Variants in SLC24A2 observed in about 807,000 individuals in gnomAD.
SLC24A2 encodes the protein solute carrier family 24 member 2.
A neutral mutation model predicts 62.0 loss-of-function variants in SLC24A2; 36 were observed. The ratio of observed to expected loss-of-function variants is 0.58; its 90% CI spans 0.44 to 0.77. SLC24A2 has a LOEUF of 0.77. Ranked by LOEUF, SLC24A2 falls within the 30% of genes least tolerant of loss-of-function variation. The pLI, the probability that SLC24A2 is intolerant of heterozygous loss-of-function variation, is 0.00. For synonymous variants in SLC24A2, 358 were observed against 294.0 expected, an observed-to-expected ratio of 1.22 and a Z score of -2.23; for missense variants, 846 against 817.9, an observed-to-expected ratio of 1.03 and a Z score of -0.42.
the SLC24A2 span, among the ~76,000 whole-genome samples, chr9:20,175,732 G>T: frequency 6.6e-6 from 1 of 151,968 alleles, no homozygotes; most frequent in Non-Finnish European, 1.5e-5. Flanking sequence ...AATAATGATA[G>T]AATTTACAGT....
At chr9:19,890,352 AG>A in the SLC24A2 span, among the ~76,000 whole-genome samples, 2 of 152,240 alleles carry the variant, frequency 1.3e-5, no homozygotes, top group African/African-American at 4.8e-5. Context: ...CTAGGAAGGC[AG>A]GACCACTGGA....
At chr9:19,588,623 G>A (rs1836446639) in intron 5 of SLC24A2, among the ~76,000 whole-genome samples, 1 of 152,160 alleles carries the variant, frequency 6.6e-6, no homozygotes, top group Admixed American at 6.5e-5. Flanking sequence ...TATGTGCTTT[G>A]TAATGAAGCC....
the SLC24A2 span, among the ~76,000 whole-genome samples, chr9:20,250,411 GCT>G: frequency 6.6e-6 from 1 of 152,172 alleles, no homozygotes; most frequent in Admixed American, 6.5e-5. Flanking sequence ...CCAATCAACA[GCT>G]CTTTCCTAAT....
At chr9:19,633,943 T>C (rs1179334610) in intron 2 of SLC24A2, among the ~76,000 whole-genome samples, 2 of 152,206 alleles carry the variant, frequency 1.3e-5, no homozygotes, top group African/African-American at 4.8e-5. Flanking sequence ...GTTTTTAATT[T>C]TGATGAGGTT....
At chr9:20,060,299 A>T in the SLC24A2 span, among the ~76,000 whole-genome samples, 2 of 152,120 alleles carry the variant, frequency 1.3e-5, no homozygotes, top group Admixed American at 6.6e-5. Context: ...TTTCTAACCC[A>T]TTCCAAAAAG....
chr9:19,669,751 C>A (rs779291307), intron 2 of SLC24A2, among the ~76,000 whole-genome samples: 1 of 152,206 alleles, frequency 6.6e-6, no homozygotes, highest in African/African-American at 2.4e-5. Context: ...CCTTAAGGAC[C>A]CTTGTGATGA....
the SLC24A2 span, among the ~76,000 whole-genome samples, chr9:20,026,514 C>A: frequency 6.6e-6 from 1 of 152,104 alleles, no homozygotes; most frequent in Non-Finnish European, 1.5e-5. Context: ...TACTCCATTG[C>A]GTGCCCCAGT....
At chr9:19,787,882 C>A (rs1823222411) in intron 1 of SLC24A2, among the ~76,000 whole-genome samples, 1 of 152,176 alleles carries the variant, frequency 6.6e-6, no homozygotes, top group Non-Finnish European at 1.5e-5. Context: ...CCTCTGTCCA[C>A]AAAATCTGCC....
rs552572023 is a variant in SLC24A2 at position 19,548,690 on chromosome 9, G to A, written c.1479+1447C>T. Among the ~76,000 whole-genome samples, 3 of 152,280 alleles carry A rather than the reference G, an allele frequency of 2.0e-5. No homozygotes were observed. In the South Asian group the frequency reaches 6.2e-4, roughly 32 times the overall value. ...GGTTATGACGACTGCCCTGGCTGAT[G>A]CACCTAACAAGAAAATGGAGCTGTC... is the stretch of plus-strand genomic sequence containing the variant. On this transcript the variant is annotated intron_variant, in intron 8 of 10. Transcript: ENST00000341998.
At chr9:19,731,497 TTC>T (rs71335449) in intron 2 of SLC24A2, among the ~76,000 whole-genome samples, 6 of 148,254 alleles carry the variant, frequency 4.0e-5, no homozygotes, top group Admixed American at 1.3e-4. Flanking sequence ...GAACACTTGT[TTC>T]TCTCTCTCTC....
chr9:20,148,124 C>T, the SLC24A2 span, among the ~76,000 whole-genome samples: 5 of 151,810 alleles, frequency 3.3e-5, no homozygotes, highest in African/African-American at 9.7e-5. Flanking sequence ...CCTGACTGTC[C>T]GGATAAGTAT....
chr9:19,971,561 G>C, the SLC24A2 span, among the ~76,000 whole-genome samples: 1 of 152,292 alleles, frequency 6.6e-6, no homozygotes, highest in South Asian at 2.1e-4. Flanking sequence ...GGGAAAAGCA[G>C]TGTCTCCCCA....
the SLC24A2 span, among the ~76,000 whole-genome samples, chr9:20,104,214 T>C: frequency 1.3e-5 from 2 of 152,312 alleles, no homozygotes; most frequent in South Asian, 4.1e-4. Context: ...AGACCAAATC[T>C]ACATCTGATT....
the SLC24A2 span, chr9:19,967,781 T>C: frequency 2.0e-5 from 3 of 152,298 alleles, no homozygotes; most frequent in Non-Finnish European, 2.9e-5. Flanking sequence ...GGGGCAGCAT[T>C]AGTTAATGTC....
the SLC24A2 span, among the ~76,000 whole-genome samples, chr9:20,014,236 T>C: frequency 6.6e-6 from 1 of 151,736 alleles, no homozygotes; most frequent in Admixed American, 6.6e-5. Context: ...AGATAACAAG[T>C]GTTGGAGTAG....
chr9:19,684,916 G>C (rs562354032), intron 2 of SLC24A2, among the ~76,000 whole-genome samples: 5 of 152,014 alleles, frequency 3.3e-5, no homozygotes, highest in Non-Finnish European at 7.4e-5. Context: ...AACTATCTTT[G>C]TTTGCAGATG....
At chr9:19,879,318 C>G in the SLC24A2 span, among the ~76,000 whole-genome samples, 1 of 152,114 alleles carries the variant, frequency 6.6e-6, no homozygotes, top group Admixed American at 6.6e-5. Context: ...TGTATGCAGT[C>G]TGCAAAGAGC....
chr9:19,550,028 G>T, intron 8 of SLC24A2, 109 bp downstream of exon 8: 2 of 1,119,906 alleles, frequency 1.8e-6, no homozygotes, highest in Non-Finnish European at 2.7e-6. Flanking sequence ...GTGAGATTTT[G>T]ATACAAGTGT....
chr9:20,300,921 C>A, the SLC24A2 span, among the ~76,000 whole-genome samples: 1 of 152,150 alleles, frequency 6.6e-6, no homozygotes, highest in Admixed American at 6.5e-5. Flanking sequence ...ACCCTTTTGT[C>A]ATCATCGTGA....
Sources: gnomAD v4.1 joint callset for allele counts (sites outside exome capture counted in the v4.1 genomes callset) on GRCh38, gnomAD v4.1.1 for gene constraint, MANE v1.5 for transcripts, NCBI Gene and HGNC (gene_info 2026-07-23, HGNC 2026-07-21) for gene names.